NEGR1: variants seen among roughly 807,000 people sequenced by gnomAD.
NEGR1 encodes neuronal growth regulator 1, also known as IgLON family member 4.
A neutral mutation model predicts 40.9 loss-of-function variants in NEGR1; 10 were observed. The ratio of observed to expected loss-of-function variants is 0.24; its 90% CI spans 0.15 to 0.42. The LOEUF is 0.42. NEGR1 is among the 10% of genes least tolerant of loss of function. The pLI is 1.00. For synonymous variants in NEGR1, 185 were observed against 166.8 expected (o/e 1.11, Z -0.84); for missense variants, 352 against 438.9 (o/e 0.80, Z 1.77).
intron 2 of NEGR1, among the ~76,000 whole-genome samples, chr1:71,791,765 G>T (rs1570351945): frequency 6.6e-6 from 1 of 151,972 alleles, no homozygotes; most frequent in African/African-American, 2.4e-5. Flanking sequence ...AAAAGATCAC[G>T]GTACTTTAGG....
At chr1:71,942,838 G>A (rs1645979384) in intron 1 of NEGR1, among the ~76,000 whole-genome samples, 1 of 147,476 alleles carries the variant, frequency 6.8e-6, no homozygotes, top group Non-Finnish European at 1.5e-5. Flanking sequence ...TTCTTGCTCT[G>A]TCACCCAGGC....
chr1:71,526,124 A>G (rs998147084), intron 6 of NEGR1, among the ~76,000 whole-genome samples: 1 of 151,568 alleles, frequency 6.6e-6, no homozygotes, highest in African/African-American at 2.4e-5. Flanking sequence ...TTTCTGCTAT[A>G]CTTTTATCTG....
intron 6 of NEGR1, among the ~76,000 whole-genome samples, chr1:71,536,290 C>T (rs1647511436): frequency 6.6e-6 from 1 of 151,616 alleles, no homozygotes; most frequent in Non-Finnish European, 1.5e-5. Context: ...ATTTGATGCC[C>T]ATGGTGTTTG....
At chr1:72,232,775 C>T (rs577375306) in intron 1 of NEGR1, among the ~76,000 whole-genome samples, 1 of 152,182 alleles carries the variant, frequency 6.6e-6, no homozygotes, top group East Asian at 1.9e-4. Flanking sequence ...CAATATAGGT[C>T]ATTAGCCATC....
intron 1 of NEGR1, among the ~76,000 whole-genome samples, chr1:72,148,440 T>G (rs149904719): frequency 4.8e-4 from 73 of 152,128 alleles, no homozygotes; most frequent in Non-Finnish European, 9.4e-4. Flanking sequence ...CCTAGAGACA[T>G]TTTCCCCATG....
chr1:71,771,722 A>AAAAAAAAAAAAG (rs1656333440), intron 3 of NEGR1, among the ~76,000 whole-genome samples: 2 of 148,272 alleles, frequency 1.3e-5, no homozygotes, highest in South Asian at 2.1e-4. Context: ...AAAAAAAAAA[A>AAAAAAAAAAAAG]GGTGTGAATC....
Position 71,560,431 on chromosome 1 carries a change from A to T in NEGR1, c.940+32386T>A, listed in dbSNP as rs1429583384. Among the ~76,000 whole-genome samples, 8 of 15,906 alleles carry T rather than the reference A, an allele frequency of 5.0e-4. 1 individual carries two copies. The highest frequency in any genetic ancestry group is 1.1e-3 in the African/African-American group (6 of 5,478). 10.4% of individuals were successfully genotyped at this position (15,906 alleles called of 152,430 possible). On this transcript the variant is annotated intron_variant, in intron 6 of 6. Transcript: ENST00000357731. ...CCCAGGCCCTGTGTAATTCTCCATT[A>T]TATATATATATATATATGTATATAT...
chr1:71,995,996 C>T (rs1646501231), intron 1 of NEGR1, among the ~76,000 whole-genome samples: 1 of 151,968 alleles, frequency 6.6e-6, no homozygotes, highest in Non-Finnish European at 1.5e-5. Context: ...TATTTACGTA[C>T]AATTGTTAAC....
chr1:71,980,557 A>C (rs1386548978), intron 1 of NEGR1, among the ~76,000 whole-genome samples: 2 of 152,158 alleles, frequency 1.3e-5, no homozygotes, highest in Non-Finnish European at 2.9e-5. Context: ...AGCATGTGGG[A>C]AAGTTGAGAT....
At chr1:72,045,469 G>T (rs1287295944) in intron 1 of NEGR1, among the ~76,000 whole-genome samples, 1 of 151,774 alleles carries the variant, frequency 6.6e-6, no homozygotes, top group African/African-American at 2.4e-5. Context: ...ATTGAAATAT[G>T]GGGGTGGGTG....
rs571018644 is a variant in NEGR1, at chr1:71,739,031, G to A, written c.535+37141C>T. Among the ~76,000 whole-genome samples the A allele has an allele frequency of 5.3e-5, 8 of 151,946 alleles. No individual in the cohort carries two copies. In the East Asian group the frequency reaches 1.4e-3, roughly 26 times the overall value. On this transcript the variant is annotated intron_variant, in intron 3 of 6. Coordinates refer to ENST00000357731, the MANE Select transcript of NEGR1 (RefSeq NM_173808.3). ...CACCCACCATGATGGTTAATACTGAGTGTCAACTTGATCAAATTAAAGGTT... is the reference window on the plus strand; with the variant it reads ...CACCCACCATGATGGTTAATACTGAATGTCAACTTGATCAAATTAAAGGTT...
intron 2 of NEGR1, among the ~76,000 whole-genome samples, chr1:71,881,132 A>T (rs1660572859): frequency 6.6e-6 from 1 of 152,072 alleles, no homozygotes; most frequent in South Asian, 2.1e-4. Context: ...CCTACAGTAC[A>T]GTATGTTTCG....
Position 72,034,247 on chromosome 1 carries a change from G to A in NEGR1, c.177-98936C>T, listed in dbSNP as rs369002946. ...TGGTCCTCGCCAAAACCACACAGGT[G>A]TGTTACTTCCCTGTAGTACTGTTTT... is the stretch of plus-strand genomic sequence containing the variant. On this transcript the variant is annotated intron_variant, in intron 1 of 6. Coordinates refer to ENST00000357731, the MANE Select transcript of NEGR1 (RefSeq NM_173808.3). 4.6e-5 allele frequency among the ~76,000 whole-genome samples: 7 copies of A among 152,324 alleles called. No individual in the cohort carries two copies. The East Asian group carries it at 1.2e-3, about 25-fold the overall frequency.
At chr1:71,558,964 A>G (rs1648346982) in intron 6 of NEGR1, among the ~76,000 whole-genome samples, 1 of 147,582 alleles carries the variant, frequency 6.8e-6, no homozygotes, top group African/African-American at 2.5e-5. Context: ...TATGTATACC[A>G]GTGCATGTAT....
chr1:71,934,482 CT>C (rs1416406931), intron 2 of NEGR1, among the ~76,000 whole-genome samples: 35 of 152,244 alleles, frequency 2.3e-4, no homozygotes, highest in African/African-American at 8.2e-4. Flanking sequence ...AAGGCTGCTA[CT>C]TTTCATTGTG....
intron 1 of NEGR1, among the ~76,000 whole-genome samples, chr1:72,162,104 T>C (rs1177133625): frequency 6.6e-6 from 1 of 152,116 alleles, no homozygotes; most frequent in African/African-American, 2.4e-5. Context: ...TTAGATAATT[T>C]AATTCAGTTT....
intron 2 of NEGR1, among the ~76,000 whole-genome samples, chr1:71,887,132 A>C (rs1179499044): frequency 6.6e-6 from 1 of 152,224 alleles, no homozygotes; most frequent in African/African-American, 2.4e-5. Context: ...ATAAAATTTT[A>C]TTAAGAAAAT....
rs150592603 is a variant in NEGR1 at position 71,824,098 on chromosome 1, A to G, written c.410-47801T>C. Among the ~76,000 whole-genome samples the G allele has an allele frequency of 6.1e-3, 925 of 152,090 alleles. 5 individuals are homozygous for G. The highest frequency in any genetic ancestry group is 0.011 in the Non-Finnish European group (739 of 67,922). On this transcript the variant is annotated intron_variant, in intron 2 of 6. Transcript: ENST00000357731. ...ATAATCCTGAGAAAGGTGCCAAGTC[A>G]TCTATCCTGTTTGTTTCCAGAGGAT...
chr1:72,034,070 A>C (rs569121056), intron 1 of NEGR1, among the ~76,000 whole-genome samples: 1 of 152,326 alleles, frequency 6.6e-6, no homozygotes, highest in Non-Finnish European at 1.5e-5. Context: ...ACAGGATCTG[A>C]CTGTTTTCTT....
Sources: gnomAD v4.1 joint callset for allele counts (sites outside exome capture counted in the v4.1 genomes callset) on GRCh38, gnomAD v4.1.1 for gene constraint, MANE v1.5 for transcripts, NCBI Gene and HGNC (gene_info 2026-07-23, HGNC 2026-07-21) for gene names.